Variants in ZNF365 observed in about 807,000 individuals in gnomAD.
ZNF365 encodes the protein protein ZNF365.
Under a neutral mutation model 35.0 loss-of-function variants are expected in ZNF365, and 22 were observed. The observed-to-expected ratio is 0.63, with a 90% CI of 0.45 to 0.90. ZNF365 has a LOEUF of 0.90. Among genes scored for constraint, ZNF365 ranks in the 40% least tolerant of loss-of-function variants. The probability of loss-of-function intolerance (pLI) is 0.00; values close to 1 mark genes in which losing one functional copy is unlikely to be tolerated. For missense variants in ZNF365, 448 were observed against 500.3 expected, an observed-to-expected ratio of 0.90 and a Z score of 1.00; for synonymous variants, 188 against 196.2, an observed-to-expected ratio of 0.96 and a Z score of 0.35.
chr10:62,403,509 T>A (rs1839862450), downstream of ZNF365, among the ~76,000 whole-genome samples: 1 of 152,058 alleles, frequency 6.6e-6, no homozygotes, highest in South Asian at 2.1e-4. Flanking sequence ...ATACAAAAAA[T>A]TAGCCGGGCG....
In ZNF365 at chr10:62,443,012, G is replaced by T. The variant is rs139706979; in HGVS notation, c.925-16729G>T. On this transcript the variant is annotated intron_variant, in intron 3 of 4. Transcript: ENST00000395255. ...GTCGCATACAGGGATGCACTCAACA[G>T]TGCTCCCTGCAAGGGCTCAACCGGG... Among the ~76,000 whole-genome samples, 21 of 152,288 alleles carry T rather than the reference G, an allele frequency of 1.4e-4. No individual in the cohort carries two copies. In the East Asian group the frequency reaches 4.1e-3, roughly 29 times the overall value.
Position 62,376,621 on chromosome 10 carries a change from G to A in ZNF365, c.428G>A (p.Arg143Gln). The change falls in exon 2 of 5, where the codon CGG becomes CAG. Residue 143 changes from arginine (R) to glutamine (Q), a missense_variant. Transcript: ENST00000395254. The part of the protein sequence containing the change: ...DLHADSLDGT[R>Q]SGPGLPTSDT... ...CATGCAGACTCGCTGGATGGGACAC[G>A]GTCGGGTCCTGGACTGCCCACCTCA... 3.7e-6 allele frequency: 6 copies of A among 1,614,134 alleles called. No homozygotes were observed. The highest frequency in any genetic ancestry group is 5.1e-6 in the Non-Finnish European group (6 of 1,180,020).
chr10:62,463,667 A>G (rs1470989465), intron 4 of ZNF365, among the ~76,000 whole-genome samples: 1 of 152,266 alleles, frequency 6.6e-6, no homozygotes, highest in African/African-American at 2.4e-5. Context: ...TAAATAAATC[A>G]TAATGGTGAT....
intron 1 of ZNF365, among the ~76,000 whole-genome samples, chr10:62,374,991 G>A (rs1839292802): frequency 6.6e-6 from 1 of 152,174 alleles, no homozygotes; most frequent in Non-Finnish European, 1.5e-5. Flanking sequence ...TGGGGGCCGG[G>A]GGCTTCACCT....
At chr10:62,392,654 C>T (rs10995142) in intron 3 of ZNF365, among the ~76,000 whole-genome samples, 33 of 151,774 alleles carry the variant, frequency 2.2e-4, no homozygotes, top group African/African-American at 8.0e-4. Flanking sequence ...GTTTTTGAGA[C>T]GGAGTCTTGC....
At chr10:62,380,721 G>A (rs1021842845) in intron 2 of ZNF365, among the ~76,000 whole-genome samples, 6 of 152,184 alleles carry the variant, frequency 3.9e-5, no homozygotes, top group African/African-American at 1.4e-4. Flanking sequence ...TAGTGAAACA[G>A]GTATTTACTT....
chr10:62,381,127 A>G (rs1286112819), intron 2 of ZNF365, among the ~76,000 whole-genome samples: 2 of 152,258 alleles, frequency 1.3e-5, no homozygotes, highest in African/African-American at 2.4e-5. Flanking sequence ...AGTTGGTAAT[A>G]CATTAGAGAA....
At chr10:62,466,888 A>G (rs932931803) in intron 4 of ZNF365, among the ~76,000 whole-genome samples, 37 of 152,074 alleles carry the variant, frequency 2.4e-4, no homozygotes, top group African/African-American at 8.4e-4. Flanking sequence ...TATAACTTTG[A>G]CCTTCCAGGC....
intron 2 of ZNF365, among the ~76,000 whole-genome samples, chr10:62,386,425 A>T (rs1248140211): frequency 1.3e-5 from 2 of 152,164 alleles, no homozygotes; most frequent in African/African-American, 4.8e-5. Flanking sequence ...AAGATGATGG[A>T]ATTATTATGG....
intron 3 of ZNF365, among the ~76,000 whole-genome samples, chr10:62,414,531 T>A (rs894387730): frequency 1.3e-5 from 2 of 152,258 alleles, no homozygotes; most frequent in East Asian, 3.9e-4. Flanking sequence ...TTCTTACAAG[T>A]TTTCAGCTCC....
intron 2 of ZNF365, among the ~76,000 whole-genome samples, chr10:62,382,993 G>A (rs541949944): frequency 6.6e-6 from 1 of 152,296 alleles, no homozygotes; most frequent in Non-Finnish European, 1.5e-5. Flanking sequence ...ATAGAAGAGA[G>A]GCATCAGTTT....
At chr10:62,389,299 A>G (rs1839583367) in intron 3 of ZNF365, among the ~76,000 whole-genome samples, 3 of 151,634 alleles carry the variant, frequency 2.0e-5, no homozygotes, top group African/African-American at 7.3e-5. Context: ...GGGTGGTCAT[A>G]TTTGCCCTGT....
intron 4 of ZNF365, chr10:62,459,822 G>T: frequency 6.3e-7 from 1 of 1,589,810 alleles, no homozygotes. Context: ...TGGGTGGGTG[G>T]GTTGGGCCTG....
intron 4 of ZNF365, among the ~76,000 whole-genome samples, chr10:62,476,308 A>T (rs1235870896): frequency 6.6e-6 from 1 of 152,188 alleles, no homozygotes; most frequent in Non-Finnish European, 1.5e-5. Flanking sequence ...TAGAGTTTCT[A>T]CAGAGCCTGA....
intron 3 of ZNF365, among the ~76,000 whole-genome samples, chr10:62,452,721 C>T (rs901253153): frequency 1.1e-4 from 16 of 152,218 alleles, no homozygotes; most frequent in African/African-American, 3.6e-4. Flanking sequence ...TCAATACACC[C>T]CAGGGTCCTA....
chr10:62,450,760 CA>C (rs1333141393), intron 3 of ZNF365, among the ~76,000 whole-genome samples: 1 of 152,148 alleles, frequency 6.6e-6, no homozygotes, highest in Non-Finnish European at 1.5e-5. Context: ...GTAAAGACAG[CA>C]AGAAACAAAT....
chr10:62,432,096 T>C (rs1243214353), intron 3 of ZNF365, among the ~76,000 whole-genome samples: 1 of 152,216 alleles, frequency 6.6e-6, no homozygotes, highest in Non-Finnish European at 1.5e-5. Flanking sequence ...TCTGGTTTAC[T>C]GTGATTTGTC....
rs1346464762 is a variant in ZNF365 at position 62,376,252 on chromosome 10, T to C, written c.59T>C (p.Val20Ala). 6.2e-7 allele frequency: 1 copy of C among 1,614,140 alleles called. No individual in the cohort carries two copies. Residue 20 changes from valine to alanine, a missense_variant, in exon 2 of 5, where the codon GTT (valine) becomes GCT (alanine). This residue lies in a region of ZNF365 where 76 missense variants were observed against 96.7 expected (regional missense o/e 0.79). Coordinates refer to ENST00000395254, the MANE Select transcript of ZNF365 (RefSeq NM_014951.3). ...RYPWQESFEN[V>A]AVCLPLRCPR... Reference sequence around the variant, plus strand: ...CCCTGGCAGGAGTCCTTTGAGAATGTTGCTGTGTGCCTGCCATTACGCTGC... The same window carrying C: ...CCCTGGCAGGAGTCCTTTGAGAATGCTGCTGTGTGCCTGCCATTACGCTGC...
At position 62,376,481 on chromosome 10, in the gene ZNF365, G is replaced by A. The variant is rs763936473; in HGVS notation, c.288G>A (p.Pro96=). The stretch of plus-strand genomic sequence containing the variant: ...GTGGCAACGTGGTAAAGCAGAAACC[G>A]AGCTATGTTAACTTGTACAGCATTT... ...QSSGNVVKQK[P]SYVNLYSISH... is the part of the protein sequence containing the mutation. Residue 96 remains proline (P), a synonymous_variant, in exon 2 of 5, where the codon CCG becomes CCA. Coordinates refer to ENST00000395254, the MANE Select transcript of ZNF365 (RefSeq NM_014951.3). The A allele has an allele frequency of 6.8e-6, 11 of 1,613,978 alleles. No individual in the cohort carries two copies. Among genetic ancestry groups the A allele is most frequent in the African/African-American group, 5.3e-5 (4 of 74,896 alleles).
Sources: gnomAD v4.1 joint callset for allele counts (sites outside exome capture counted in the v4.1 genomes callset) on GRCh38, gnomAD v4.1.1 for gene constraint, gnomAD v4.1.1 regional missense constraint, MANE v1.5 for transcripts, NCBI Gene and HGNC (gene_info 2026-07-23, HGNC 2026-07-21) for gene names.